SMCO3: variants seen among roughly 807,000 people sequenced by gnomAD.
SMCO3 encodes single-pass membrane and coiled-coil domain-containing protein 3.
SMCO3 carries 6 observed loss-of-function variants against 12.0 expected under a neutral mutation model. That is an observed-to-expected ratio of 0.50 (90% CI 0.27 to 0.99). SMCO3 has a LOEUF of 0.99. Ranked by LOEUF, SMCO3 falls within the 50% of genes least tolerant of loss-of-function variation. The probability of loss-of-function intolerance (pLI) is 0.11; values close to 1 mark genes in which losing one functional copy is unlikely to be tolerated. For synonymous variants in SMCO3, 96 were observed against 96.4 expected, an observed-to-expected ratio of 1.00 and a Z score of 0.02; for missense variants, 279 against 265.0, an observed-to-expected ratio of 1.05 and a Z score of -0.37.
rs1950026859 is a variant in SMCO3 at position 14,805,031 on chromosome 12, G to A, written c.*972C>T. On this transcript the variant is annotated 3_prime_UTR_variant, in exon 2 of 2. Transcript: ENST00000316048. ...AGAGATTCAGCGGAACCATTAATAG[G>A]CTTCCATAGCCTTTGGCGTTTTCTA... The A allele has an allele frequency of 6.6e-6, 1 of 152,156 alleles. No homozygotes were observed. The highest frequency in any genetic ancestry group is 6.6e-5 in the Admixed American group (1 of 15,244). The allele number at this position is 152,156 out of a possible 1,614,324, so 9.4% of individuals were successfully genotyped here.
chr12:14,806,325 A>G lies in SMCO3; in HGVS notation c.356T>C (p.Val119Ala), dbSNP rs747956198. ...KIAIVQKVISVILGEATSAAS... is the reference protein window; with the variant it reads ...KIAIVQKVISAILGEATSAAS... The stretch of plus-strand genomic sequence containing the variant: ...TGCAGATGTAGCTTCTCCCAGGATG[A>G]CCGAAATAACCTTTTGCACTATTGC... Residue 119 changes from valine to alanine, a missense_variant, in exon 2 of 2, where the codon GTC becomes GCC. Val to Ala is a moderately conservative substitution (Grantham distance 64). Transcript: ENST00000316048. 1.9e-6 allele frequency: 3 copies of G among 1,614,232 alleles called. No homozygotes were observed. Among genetic ancestry groups the G allele is most frequent in the Non-Finnish European group, 2.5e-6 (3 of 1,180,038 alleles).
intron 1 of SMCO3, among the ~76,000 whole-genome samples, chr12:14,810,017 T>C (rs370447366): frequency 9.8e-5 from 15 of 152,358 alleles, no homozygotes; most frequent in Admixed American, 9.1e-4. Flanking sequence ...TAGACTCTTT[T>C]TCGTGGGATC....
At chr12:14,810,769 C>T (rs538031759) in intron 1 of SMCO3, among the ~76,000 whole-genome samples, 1 of 152,244 alleles carries the variant, frequency 6.6e-6, no homozygotes, top group Non-Finnish European at 1.5e-5. Flanking sequence ...AGAGGCTGGG[C>T]ACCACATGGA....
chr12:14,811,793 A>G (rs1950143588), intron 1 of SMCO3, among the ~76,000 whole-genome samples: 1 of 152,236 alleles, frequency 6.6e-6, no homozygotes, highest in Non-Finnish European at 1.5e-5. Flanking sequence ...TTTCGTGAAT[A>G]ACAGTAGTGC....
At chr12:14,811,118 T>C (rs1325487596) in intron 1 of SMCO3, among the ~76,000 whole-genome samples, 2 of 152,242 alleles carry the variant, frequency 1.3e-5, no homozygotes, top group African/African-American at 2.4e-5. Flanking sequence ...GTTTGAACTT[T>C]TACATAATTT....
Position 14,806,564 on chromosome 12 carries a change from C to G in SMCO3, c.117G>C (p.Leu39=), listed in dbSNP as rs757535647. 1 of 1,614,170 alleles carries G rather than the reference C, an allele frequency of 6.2e-7. No individual in the cohort carries two copies. Residue 39 remains leucine, a synonymous_variant, in exon 2 of 2, where the codon CTG becomes CTC. Coordinates refer to ENST00000316048, the MANE Select transcript of SMCO3 (RefSeq NM_001013698.2). ...LSDSFDVTNK[L]TEVLNMHLGC... is the part of the protein sequence containing the mutation. The stretch of plus-strand genomic sequence containing the variant: ...CCAAGTGCATATTTAGAACCTCAGT[C>G]AGCTTATTGGTGACATCGAAGCTGT...
intron 1 of SMCO3, 146 bp from the exon 2 acceptor site, chr12:14,806,842 T>A: frequency 1.3e-6 from 1 of 780,474 alleles, no homozygotes; most frequent in Non-Finnish European, 2.0e-6. Context: ...CTCAACAAGT[T>A]TTTTTAAAAG....
intron 1 of SMCO3, among the ~76,000 whole-genome samples, chr12:14,810,504 C>G (rs1410222466): frequency 6.6e-6 from 1 of 152,170 alleles, no homozygotes; most frequent in Non-Finnish European, 1.5e-5. Flanking sequence ...AGACATGGTC[C>G]TTGCTTTTTT....
chr12:14,810,607 G>A (rs966444636), intron 1 of SMCO3, among the ~76,000 whole-genome samples: 1 of 152,046 alleles, frequency 6.6e-6, no homozygotes, highest in African/African-American at 2.4e-5. Context: ...AGGTACACTT[G>A]GTATTTGACT....
At chr12:14,813,333 G>A in intron 1 of SMCO3, among the ~76,000 whole-genome samples, 1 of 152,178 alleles carries the variant, frequency 6.6e-6, no homozygotes, top group East Asian at 1.9e-4. Flanking sequence ...TGGGAGTGTG[G>A]AAATAGGGTA....
intron 1 of SMCO3, among the ~76,000 whole-genome samples, chr12:14,813,703 C>T (rs1950175685): frequency 6.6e-6 from 1 of 152,170 alleles, no homozygotes; most frequent in South Asian, 2.1e-4. Context: ...AAGTACTATA[C>T]ATTAACCAGT....
chr12:14,810,395 G>A (rs1210537286), intron 1 of SMCO3, among the ~76,000 whole-genome samples: 1 of 152,184 alleles, frequency 6.6e-6, no homozygotes, highest in African/African-American at 2.4e-5. Flanking sequence ...AGCGAAGAAG[G>A]CAATTATTGA....
chr12:14,812,089 A>G (rs1011713326), intron 1 of SMCO3, among the ~76,000 whole-genome samples: 3 of 152,260 alleles, frequency 2.0e-5, no homozygotes, highest in Non-Finnish European at 4.4e-5. Flanking sequence ...TCACAAAGTT[A>G]TCATAATAGT....
At chr12:14,807,957 G>A (rs1320740735) in intron 1 of SMCO3, among the ~76,000 whole-genome samples, 2 of 152,162 alleles carry the variant, frequency 1.3e-5, no homozygotes, top group African/African-American at 4.8e-5. Context: ...CTTGAGGCCA[G>A]GAGTTCAAGA....
intron 1 of SMCO3, among the ~76,000 whole-genome samples, chr12:14,813,460 G>T (rs953795997): frequency 6.6e-6 from 1 of 152,194 alleles, no homozygotes; most frequent in African/African-American, 2.4e-5. Context: ...ATCATGATGT[G>T]ATGATATACT....
rs1423875050 is a variant in SMCO3, at chr12:14,806,351, A to C, written c.330T>G (p.Ile110Met). 1.2e-6 allele frequency: 2 copies of C among 1,614,076 alleles called. No individual in the cohort carries two copies. Among genetic ancestry groups the C allele is most frequent in the East Asian group, 4.5e-5 (2 of 44,900 alleles). ...QDIKEKETDK[I>M]AIVQKVISVI... ...CCGAAATAACCTTTTGCACTATTGC[A>C]ATTTTGTCTGTTTCCTTTTCCTTAA... Residue 110 changes from isoleucine (I) to methionine (M), a missense_variant, in exon 2 of 2, where the codon ATT becomes ATG. Ile to Met is a conservative substitution (Grantham distance 10, BLOSUM62 1). Coordinates refer to ENST00000316048, the MANE Select transcript of SMCO3 (RefSeq NM_001013698.2).
At chr12:14,810,437 T>G (rs971389146) in intron 1 of SMCO3, among the ~76,000 whole-genome samples, 1 of 152,208 alleles carries the variant, frequency 6.6e-6, no homozygotes, top group Non-Finnish European at 1.5e-5. Context: ...AGGTTAGTAC[T>G]TACCACGTGT....
In SMCO3 at chr12:14,806,094, T is replaced by G. The variant is rs1950044032; in HGVS notation, c.587A>C (p.Glu196Ala). 1 of 1,614,196 alleles carries G rather than the reference T, an allele frequency of 6.2e-7. No homozygotes were observed. The highest frequency in any genetic ancestry group is 8.5e-7 in the Non-Finnish European group (1 of 1,180,030). ...TQLQAAIKSY[E>A]KHLVEFKSAS... ...TGATTTGAACTCCACCAGATGCTTC[T>G]CATAACTTTTGATGGCTGCTTGAAG... Residue 196 changes from glutamate to alanine, a missense_variant, in exon 2 of 2, where the codon GAG becomes GCG. Transcript: ENST00000316048.
Position 14,810,810 on chromosome 12 carries a change from G to A in SMCO3, c.-17+3316C>T, listed in dbSNP as rs553661187. ...ATAGTTGGCAGTGTGCAGTATTTTC[G>A]CTATTGCCCTTAACAATTTAGTTCT... is the stretch of plus-strand genomic sequence containing the variant. On this transcript the variant is annotated intron_variant, in intron 1 of 1. Transcript: ENST00000316048. 2.7e-3 allele frequency among the ~76,000 whole-genome samples: 412 copies of A among 152,200 alleles called. 4 individuals are homozygous for A. Among genetic ancestry groups the A allele is most frequent in the African/African-American group, 9.7e-3 (403 of 41,532 alleles).
Sources: allele counts gnomAD v4.1 joint callset (sites outside exome capture counted in the v4.1 genomes callset), GRCh38; gene constraint gnomAD v4.1.1; transcripts MANE v1.5; gene names NCBI Gene and HGNC (gene_info 2026-07-23, HGNC 2026-07-21).